ADAMTS17: variants seen among roughly 807,000 people sequenced by gnomAD.
ADAMTS17 encodes A disintegrin and metalloproteinase with thrombospondin motifs 17.
Under a neutral mutation model 141.5 loss-of-function variants are expected in ADAMTS17, and 113 were observed. The observed-to-expected ratio is 0.80, with a 90% confidence interval of 0.69 to 0.93. The LOEUF is 0.93. Ranked by LOEUF, ADAMTS17 falls within the 40% of genes least tolerant of loss-of-function variation. The pLI is 0.00. For synonymous variants in ADAMTS17, 768 were observed against 630.6 expected, an observed-to-expected ratio of 1.22 and a Z score of -3.27; for missense variants, 1,659 against 1,517.9, an observed-to-expected ratio of 1.09 and a Z score of -1.54.
intron 8 of ADAMTS17, among the ~76,000 whole-genome samples, chr15:100,160,939 A>G (rs1008758783): frequency 2.0e-5 from 3 of 152,136 alleles, no homozygotes; most frequent in Non-Finnish European, 4.4e-5. Context: ...TGACTGAGAA[A>G]CTCATATTAG....
chr15:100,129,937 T>C (rs2037949534), intron 12 of ADAMTS17, among the ~76,000 whole-genome samples: 1 of 152,224 alleles, frequency 6.6e-6, no homozygotes, highest in Non-Finnish European at 1.5e-5. Flanking sequence ...AACCCAGCCC[T>C]TTCTTCACGA....
intron 4 of ADAMTS17, among the ~76,000 whole-genome samples, chr15:100,267,293 C>G (rs530895377): frequency 6.6e-6 from 1 of 152,050 alleles, no homozygotes; most frequent in Non-Finnish European, 1.5e-5. Context: ...CATGCTGTGG[C>G]GTGTGTGGGA....
chr15:100,289,039 A>G (rs1332750326), intron 3 of ADAMTS17, among the ~76,000 whole-genome samples: 1 of 152,152 alleles, frequency 6.6e-6, no homozygotes, highest in Non-Finnish European at 1.5e-5. Context: ...ATGAAAAACA[A>G]AAGATCAACA....
At chr15:100,135,273 T>C (rs2038268787) in intron 10 of ADAMTS17, among the ~76,000 whole-genome samples, 1 of 150,494 alleles carries the variant, frequency 6.6e-6, no homozygotes, top group Admixed American at 6.7e-5. Flanking sequence ...TTACACCATA[T>C]TAAAATTAAC....
intron 7 of ADAMTS17, among the ~76,000 whole-genome samples, chr15:100,231,907 T>C (rs775351959): frequency 2.6e-5 from 4 of 152,150 alleles, no homozygotes; most frequent in Non-Finnish European, 5.9e-5. Flanking sequence ...TTGAGCCCAA[T>C]TTAGGCTGAG....
chr15:100,118,680 A>G (rs1397704946), intron 12 of ADAMTS17, among the ~76,000 whole-genome samples: 2 of 152,226 alleles, frequency 1.3e-5, no homozygotes, highest in Non-Finnish European at 2.9e-5. Context: ...ATTGGCAGAC[A>G]GAATGAATCA....
chr15:100,260,334 C>T (rs919220139), intron 6 of ADAMTS17, among the ~76,000 whole-genome samples: 6 of 152,054 alleles, frequency 3.9e-5, no homozygotes, highest in African/African-American at 1.4e-4. Flanking sequence ...TTGTGGATGG[C>T]CAGGCGTGGT....
chr15:100,249,261 G>A (rs1160896939), intron 7 of ADAMTS17, among the ~76,000 whole-genome samples: 2 of 152,228 alleles, frequency 1.3e-5, no homozygotes, highest in Admixed American at 1.3e-4. Flanking sequence ...GCCTAGAGAT[G>A]CAAGCCTTGT....
intron 4 of ADAMTS17, among the ~76,000 whole-genome samples, chr15:100,271,639 T>C (rs1398290246): frequency 6.6e-6 from 1 of 152,118 alleles, no homozygotes; most frequent in Non-Finnish European, 1.5e-5. Context: ...CTGGATATTA[T>C]AAAATATTTG....
At chr15:100,013,092 G>C (rs574356182) in intron 18 of ADAMTS17, among the ~76,000 whole-genome samples, 1 of 152,168 alleles carries the variant, frequency 6.6e-6, no homozygotes, top group African/African-American at 2.4e-5. Context: ...CCTTGTAAAG[G>C]TCTTTTGCCT....
Position 100,029,344 on chromosome 15 carries a change from T to G in ADAMTS17, c.2591+19513A>C, listed in dbSNP as rs113051255. ...CCTGCTCGGTTTCCTTTCCTGACTG[T>G]GGCAAACTGCAAAACAAAATGGCCG... On this transcript the variant is annotated intron_variant, in intron 18 of 21. Coordinates refer to ENST00000268070, the MANE Select transcript of ADAMTS17 (RefSeq NM_139057.4). 4.8e-4 allele frequency among the ~76,000 whole-genome samples: 73 copies of G among 152,378 alleles called. 1 individual carries two copies. The highest frequency in any genetic ancestry group is 1.6e-3 in the African/African-American group (65 of 41,590).
intron 18 of ADAMTS17, among the ~76,000 whole-genome samples, chr15:100,021,094 T>C (rs1355795923): frequency 6.6e-6 from 1 of 152,192 alleles, no homozygotes; most frequent in African/African-American, 2.4e-5. Flanking sequence ...ACCTTATCTA[T>C]GCCATGTTCC....
chr15:100,036,036 C>T (rs567610520), intron 18 of ADAMTS17, among the ~76,000 whole-genome samples: 1 of 152,306 alleles, frequency 6.6e-6, no homozygotes, highest in South Asian at 2.1e-4. Flanking sequence ...ACCCAACCAG[C>T]CTATGGGAGG....
intron 3 of ADAMTS17, among the ~76,000 whole-genome samples, chr15:100,294,571 G>A (rs1248945592): frequency 1.3e-5 from 2 of 151,980 alleles, no homozygotes; most frequent in East Asian, 3.9e-4. Context: ...AGCTGGGGAT[G>A]GTGGCACGTG....
chr15:100,064,383 C>T (rs2033364509), intron 15 of ADAMTS17, among the ~76,000 whole-genome samples: 3 of 152,158 alleles, frequency 2.0e-5, no homozygotes, highest in South Asian at 4.1e-4. Context: ...TAGTTTGCGG[C>T]ACTTTGTTAC....
intron 8 of ADAMTS17, among the ~76,000 whole-genome samples, chr15:100,162,471 TTATATGTG>T (rs2039746451): frequency 7.5e-6 from 1 of 133,192 alleles, no homozygotes; most frequent in Admixed American, 8.2e-5. Context: ...CATATACACA[TTATATGTG>T]TATATATATG....
chr15:100,096,585 G>T (rs1231486777), intron 14 of ADAMTS17, 109 bp from the exon 15 acceptor site: 2 of 1,451,242 alleles, frequency 1.4e-6, no homozygotes, highest in Non-Finnish European at 9.6e-7. Context: ...CATGGGGCCT[G>T]GGGCCCTGAT....
intron 10 of ADAMTS17, among the ~76,000 whole-genome samples, chr15:100,143,775 C>T (rs2038769108): frequency 6.6e-6 from 1 of 152,134 alleles, no homozygotes; most frequent in African/African-American, 2.4e-5. Context: ...TTTGAGAAAC[C>T]AGCAACCTGG....
chr15:100,334,589 GCCC>G (rs1310684455), intron 2 of ADAMTS17, among the ~76,000 whole-genome samples: 1 of 152,006 alleles, frequency 6.6e-6, no homozygotes, highest in Admixed American at 6.6e-5. Context: ...CTCCCGTCCT[GCCC>G]CCCGACTCTC....
Sources: gnomAD v4.1 joint callset for allele counts (sites outside exome capture counted in the v4.1 genomes callset) on GRCh38, gnomAD v4.1.1 for gene constraint, MANE v1.5 for transcripts, NCBI Gene and HGNC (gene_info 2026-07-23, HGNC 2026-07-21) for gene names.